The following RANBP17 variants were observed in gnomAD, a reference collection of about 807,000 sequenced individuals.
RANBP17 encodes the protein ran-binding protein 17.
A neutral mutation model predicts 141.2 loss-of-function variants in RANBP17; 158 were observed. The observed-to-expected ratio is 1.12, with a 90% CI of 0.98 to 1.28. The LOEUF is 1.28. Ranked by LOEUF, RANBP17 falls within the 50% of genes most tolerant of loss-of-function variation. The pLI is 0.00. For missense variants in RANBP17, 1,438 were observed against 1,290.7 expected (o/e 1.11, Z -1.75); for synonymous variants, 430 against 450.0 (o/e 0.96, Z 0.56).
In RANBP17 at chr5:170,919,423, T is replaced by C. The variant is rs371942640; in HGVS notation, c.1102-18T>C. 1.3e-6 allele frequency: 2 copies of C among 1,496,768 alleles called. No homozygotes were observed. Among genetic ancestry groups the C allele is most frequent in the Admixed American group, 2.3e-5 (1 of 43,466 alleles). 92.7% of individuals were successfully genotyped at this position (1,496,768 alleles called of 1,614,324 possible). A position where few individuals can be genotyped will look rare whatever the true frequency, so the allele number is the denominator to read the frequency against. ...AAGATGTAATATTTTAAATAACTTC[T>C]GCTTTATTTCTTTGTAGCACTGGGA... is the stretch of plus-strand genomic sequence containing the variant. On this transcript the variant is annotated intron_variant, in intron 10 of 27. Transcript: ENST00000523189.
At chr5:170,997,538 A>G (rs1186672932) in intron 14 of RANBP17, among the ~76,000 whole-genome samples, 1 of 152,218 alleles carries the variant, frequency 6.6e-6, no homozygotes. Flanking sequence ...AGATTTCTTT[A>G]TAAGTCCTCT....
chr5:171,159,528 TGAGAGAATGCCCCTTGG>T (rs1180504354), intron 14 of RANBP17, among the ~76,000 whole-genome samples: 3 of 152,196 alleles, frequency 2.0e-5, no homozygotes. Flanking sequence ...GTTCCCACTG[TGAGAGAATGCCCCTTGG>T]GAGCCCATCA....
At chr5:171,129,440 C>T (rs917283530) in intron 14 of RANBP17, among the ~76,000 whole-genome samples, 1 of 152,144 alleles carries the variant, frequency 6.6e-6, no homozygotes, top group African/African-American at 2.4e-5. Flanking sequence ...CTGCTCACCC[C>T]GTGACCCAAC....
chr5:170,983,050 T>C (rs1184027744), intron 14 of RANBP17: 6 of 499,396 alleles, frequency 1.2e-5, no homozygotes, highest in African/African-American at 1.2e-4. Context: ...TTACTTCTCT[T>C]ATATCTTTTA....
intron 24 of RANBP17, among the ~76,000 whole-genome samples, chr5:171,261,022 G>A (rs766257369): frequency 4.7e-5 from 7 of 147,546 alleles, no homozygotes; most frequent in Non-Finnish European, 1.0e-4. Flanking sequence ...TGTAATATGC[G>A]AGTGACACAT....
At chr5:171,192,113 G>C (rs1436349471) in intron 18 of RANBP17, among the ~76,000 whole-genome samples, 1 of 152,166 alleles carries the variant, frequency 6.6e-6, no homozygotes, top group Non-Finnish European at 1.5e-5. Context: ...GGATATCTCA[G>C]GAAGGTTTAG....
intron 2 of RANBP17, among the ~76,000 whole-genome samples, chr5:170,878,642 C>T (rs1768395953): frequency 6.6e-6 from 1 of 152,146 alleles, no homozygotes; most frequent in Non-Finnish European, 1.5e-5. Flanking sequence ...TTGCCTGCCT[C>T]CCATCTAGAT....
intron 23 of RANBP17, 98 bp downstream of exon 23, chr5:171,241,240 G>A: frequency 1.1e-6 from 1 of 876,976 alleles, no homozygotes; most frequent in Non-Finnish European, 1.8e-6. Context: ...AGTTAGCCTA[G>A]AACATTTTAT....
intron 12 of RANBP17, among the ~76,000 whole-genome samples, chr5:170,926,637 C>G (rs573504697): frequency 6.6e-6 from 1 of 152,136 alleles, no homozygotes; most frequent in African/African-American, 2.4e-5. Context: ...ATTTTCATAT[C>G]AAACTTGATT....
At chr5:170,912,638 A>C (rs1771621499) in intron 7 of RANBP17, among the ~76,000 whole-genome samples, 1 of 151,938 alleles carries the variant, frequency 6.6e-6, no homozygotes, top group East Asian at 1.9e-4. Flanking sequence ...GAAAAGTTGT[A>C]AGACAAAGTT....
chr5:170,954,102 G>A (rs1415525181), intron 13 of RANBP17, among the ~76,000 whole-genome samples: 1 of 152,144 alleles, frequency 6.6e-6, no homozygotes, highest in Non-Finnish European at 1.5e-5. Context: ...TTAGGAAAAA[G>A]CAGTTGAATT....
At chr5:171,041,517 A>G (rs1782247796) in intron 14 of RANBP17, among the ~76,000 whole-genome samples, 1 of 152,122 alleles carries the variant, frequency 6.6e-6, no homozygotes, top group Admixed American at 6.6e-5. Context: ...ATGTCCTTTT[A>G]GGCAATTTTG....
intron 14 of RANBP17, among the ~76,000 whole-genome samples, chr5:171,159,802 G>A (rs1244069675): frequency 2.0e-5 from 3 of 151,188 alleles, no homozygotes; most frequent in African/African-American, 7.3e-5. Flanking sequence ...AGTCGCCTGT[G>A]GTCCCAGCTA....
intron 24 of RANBP17, 145 bp from the exon 25 acceptor site, chr5:171,265,536 A>G: frequency 1.3e-6 from 1 of 754,678 alleles, no homozygotes; most frequent in Non-Finnish European, 2.1e-6. Flanking sequence ...GTCTCAAAAA[A>G]ACAAATTCCT....
chr5:171,029,000 G>A, intron 14 of RANBP17: 3 of 1,210,454 alleles, frequency 2.5e-6, no homozygotes, highest in Non-Finnish European at 3.2e-6. Context: ...GTGAGGGCAA[G>A]TCAGTCTATA....
chr5:171,046,283 AC>A (rs1782582148), intron 14 of RANBP17, among the ~76,000 whole-genome samples: 1 of 144,292 alleles, frequency 6.9e-6, no homozygotes, highest in African/African-American at 2.6e-5. Flanking sequence ...ATCTCGGCTG[AC>A]TGCAACCTCT....
At chr5:171,037,735 G>A (rs1302041840) in intron 14 of RANBP17, among the ~76,000 whole-genome samples, 3 of 152,164 alleles carry the variant, frequency 2.0e-5, no homozygotes, top group Non-Finnish European at 4.4e-5. Context: ...CTGTAGGTGT[G>A]TAGCTTTACT....
At position 171,271,080 on chromosome 5, in the gene RANBP17, T is replaced by C. The variant is rs1229549131; in HGVS notation, c.2943+5233T>C. On this transcript the variant is annotated intron_variant, in intron 25 of 27. Coordinates refer to ENST00000523189, the MANE Select transcript of RANBP17 (RefSeq NM_022897.5). The stretch of plus-strand genomic sequence containing the variant: ...CCCTCCTTTTTATGTTATTTCTTTT[T>C]TTTTTTTTTTTTTTTTTTTTTTTTT... The C allele has an allele frequency of 3.6e-4, 19 of 53,004 alleles. 1 individual carries two copies. Among genetic ancestry groups the C allele is most frequent in the East Asian group, 2.2e-3 (4 of 1,842 alleles). The allele number at this position is 53,004 out of a possible 1,614,324, so 3.3% of individuals were successfully genotyped here.
At chr5:171,174,236 C>G (rs1279799665) in intron 16 of RANBP17, among the ~76,000 whole-genome samples, 1 of 152,076 alleles carries the variant, frequency 6.6e-6, no homozygotes, top group Non-Finnish European at 1.5e-5. Context: ...TTTTCAAGAC[C>G]AAATTCCAAG....
Sources: allele counts gnomAD v4.1 joint callset (sites outside exome capture counted in the v4.1 genomes callset), GRCh38; gene constraint gnomAD v4.1.1; transcripts MANE v1.5; gene names NCBI Gene and HGNC (gene_info 2026-07-23, HGNC 2026-07-21).